The following B4GALNT1 variants were observed in gnomAD, a reference collection of about 807,000 sequenced individuals.
B4GALNT1 encodes the protein beta-1,4-N-acetyl-galactosaminyltransferase 1.
Under a neutral mutation model 55.2 loss-of-function variants are expected in B4GALNT1, and 43 were observed. The ratio of observed to expected loss-of-function variants is 0.78; its 90% confidence interval spans 0.61 to 1.00. The LOEUF is 1.00. Among genes scored for constraint, B4GALNT1 ranks in the 50% least tolerant of loss-of-function variants. The probability of loss-of-function intolerance (pLI) is 0.00; values close to 1 mark genes in which losing one functional copy is unlikely to be tolerated. For missense variants in B4GALNT1, 664 were observed against 729.7 expected (o/e 0.91, Z 1.04); for synonymous variants, 305 against 311.6 (o/e 0.98, Z 0.22).
At position 57,625,558 on chromosome 12, in the gene B4GALNT1, G is replaced by A. The variant is rs1884752429; in HGVS notation, c.*1186C>T. The A allele has an allele frequency of 6.2e-7, 1 of 1,607,508 alleles. No individual in the cohort carries two copies. Among genetic ancestry groups the A allele is most frequent in the African/African-American group, 1.3e-5 (1 of 74,848 alleles). On this transcript the variant is annotated 3_prime_UTR_variant, in exon 11 of 11. Transcript: ENST00000341156. ...GACCCGGTGTGGACTTAGGGTCTCA[G>A]AGTCTGACACCCTCCCCACATAGCC...
At chr12:57,627,972 A>C in intron 9 of B4GALNT1, 114 bp from the exon 10 acceptor site, 1 of 1,466,738 alleles carries the variant, frequency 6.8e-7, no homozygotes, top group Non-Finnish European at 9.0e-7. Context: ...CTTCCGCTTC[A>C]CCCCTGCAGG....
At chr12:57,627,082 C>G (rs185164062) in intron 10 of B4GALNT1, 121 bp from the exon 11 acceptor site, 20 of 788,772 alleles carry the variant, frequency 2.5e-5, no homozygotes, top group Non-Finnish European at 3.7e-5. Flanking sequence ...TTCTAAGGAC[C>G]CTGAGCATGT....
In B4GALNT1 at chr12:57,631,371, G is replaced by T. The variant is rs138590413; in HGVS notation, c.219-7C>A. ...GTTGTTCCAAGCCAGCAGCCTGAAG[G>T]GGGTAGGTAGTGAGGGTCATCAGAG... On this transcript the variant is annotated splice_region_variant and splice_polypyrimidine_tract_variant and intron_variant, in intron 2 of 10. Coordinates refer to ENST00000341156, the MANE Select transcript of B4GALNT1 (RefSeq NM_001478.5). 1.5e-5 allele frequency: 25 copies of T among 1,613,758 alleles called. No individual in the cohort carries two copies. Among genetic ancestry groups the T allele is most frequent in the African/African-American group, 2.7e-5 (2 of 74,866 alleles).
Position 57,624,826 on chromosome 12 carries a change from GA to G in B4GALNT1, c.*1917del. 6.3e-7 allele frequency: 1 copy of G among 1,591,266 alleles called. No homozygotes were observed. Among genetic ancestry groups the G allele is most frequent in the South Asian group, 1.1e-5 (1 of 90,594 alleles). On this transcript the variant is annotated 3_prime_UTR_variant, in exon 11 of 11. Transcript: ENST00000341156. The stretch of plus-strand genomic sequence containing the variant: ...GGCTGCAGCCAAAGAAGGAAGGGAA[GA>G]TTAGCCCCAGACATTTCTCTGATCC...
At position 57,625,157 on chromosome 12, in the gene B4GALNT1, G is replaced by T. The variant is rs73347918; in HGVS notation, c.*1587C>A. ...AAGCCAGATGGCCCAATGGTTGCAGGTGAGATGGGGTGACAAGAAGGAAGA... is the reference window on the plus strand; with the variant it reads ...AAGCCAGATGGCCCAATGGTTGCAGTTGAGATGGGGTGACAAGAAGGAAGA... On this transcript the variant is annotated 3_prime_UTR_variant, in exon 11 of 11. Transcript: ENST00000341156. 2.9e-3 allele frequency: 4,719 copies of T among 1,614,062 alleles called. 144 individuals are homozygous for T. In the African/African-American group the frequency reaches 0.056, roughly 19 times the overall value.
Position 57,630,159 on chromosome 12 carries a change from T to C in B4GALNT1, c.705A>G (p.Ala235=). Residue 235 remains alanine (A), a synonymous_variant, in exon 6 of 11, where the codon GCA becomes GCG. Coordinates refer to ENST00000341156, the MANE Select transcript of B4GALNT1 (RefSeq NM_001478.5). ...YSSRSYQTNT[A]DTVRFSTEGH... is the part of the protein sequence containing the mutation. ...TCCACCCAGGCCTTGCACCTGTGTC[T>C]GCTGTGTTGGTCTGGTAGCTTCGGC... The C allele has an allele frequency of 6.2e-7, 1 of 1,614,260 alleles. No individual in the cohort carries two copies. Among genetic ancestry groups the C allele is most frequent in the Non-Finnish European group, 8.5e-7 (1 of 1,180,056 alleles).
intron 8 of B4GALNT1, 192 bp from the exon 9 acceptor site, chr12:57,628,454 C>T (rs1192974955): frequency 1.4e-5 from 13 of 899,358 alleles, no homozygotes; most frequent in Non-Finnish European, 1.8e-5. Context: ...TCTTAGAATG[C>T]GTTTAATTTC....
At chr12:57,632,339 C>T (rs748307544) in intron 1 of B4GALNT1, 4 of 696,134 alleles carry the variant, frequency 5.7e-6, no homozygotes, top group South Asian at 4.6e-5. Context: ...CTCCCGGCCT[C>T]CTTTCTTCTC....
intron 6 of B4GALNT1, 58 bp downstream of exon 6, chr12:57,630,094 C>T (rs1267892958): frequency 1.2e-6 from 2 of 1,613,810 alleles, no homozygotes; most frequent in East Asian, 2.2e-5. Flanking sequence ...CCCACTCCAG[C>T]CTTTCTGGTT....
At position 57,629,904 on chromosome 12, in the gene B4GALNT1, C is replaced by G. The variant is rs115811176; in HGVS notation, c.712+248G>C. 1.1e-3 allele frequency: 1,645 copies of G among 1,534,572 alleles called. 25 individuals carry two copies. The African/African-American group carries it at 0.02, about 18-fold the overall frequency. On this transcript the variant is annotated intron_variant, in intron 6 of 10. Transcript: ENST00000341156. ...AGACAAGTCTCTTCCTGGGGCCCCC[C>G]ACAGTTGGCCTAAAGGGGAGACACA...
rs1363906394 is a variant in B4GALNT1, at chr12:57,627,849, C to A, written c.1153G>T (p.Ala385Ser). 3.2e-6 allele frequency: 5 copies of A among 1,582,274 alleles called. No homozygotes were observed. The highest frequency in any genetic ancestry group is 4.3e-6 in the Non-Finnish European group (5 of 1,162,992). Residue 385 changes from alanine (A) to serine (S), a missense_variant, in exon 10 of 11, where the codon GCG becomes TCG. Coordinates refer to ENST00000341156, the MANE Select transcript of B4GALNT1 (RefSeq NM_001478.5). ...ERTPLDLVGG[A>S]VREISGFATT... ...GCAAAGCCGGAGATCTCGCGCACCG[C>A]GCCCCCCACCTGCAGGGAGAGGGAG...
rs186851144 is a variant in B4GALNT1 at position 57,630,374 on chromosome 12, A to G, written c.532-42T>C. Reference sequence around the variant, plus strand: ...GAGTGCAGGGTTAGGCCCCAGACCCACTTCTTGCCTCCCTGATTCGCCCAT... The same window carrying G: ...GAGTGCAGGGTTAGGCCCCAGACCCGCTTCTTGCCTCCCTGATTCGCCCAT... On this transcript the variant is annotated intron_variant, in intron 5 of 10. Transcript: ENST00000341156. The G allele has an allele frequency of 4.2e-5, 68 of 1,600,704 alleles. No homozygotes were observed. The Middle Eastern group carries it at 5.1e-4, about 12-fold the overall frequency.
intron 2 of B4GALNT1, 122 bp from the exon 3 acceptor site, chr12:57,631,486 C>T: frequency 1.8e-6 from 2 of 1,117,936 alleles, no homozygotes; most frequent in Non-Finnish European, 2.6e-6. Flanking sequence ...GCTCTGTCCC[C>T]TTAAATGCTG....
In B4GALNT1 at chr12:57,624,790, C is replaced by T. The variant is rs942098457; in HGVS notation, c.*1954G>A. On this transcript the variant is annotated 3_prime_UTR_variant, in exon 11 of 11. Coordinates refer to ENST00000341156, the MANE Select transcript of B4GALNT1 (RefSeq NM_001478.5). ...TCTACAGACCACTCAGAGGAAGCCC[C>T]AGGGTGGGTGGGCTGCAGCCAAAGA... is the stretch of plus-strand genomic sequence containing the variant. The T allele has an allele frequency of 5.8e-6, 8 of 1,389,706 alleles. No individual in the cohort carries two copies. The highest frequency in any genetic ancestry group is 8.2e-6 in the Non-Finnish European group (8 of 976,040). 86.1% of individuals were successfully genotyped at this position (1,389,706 alleles called of 1,614,324 possible).
At position 57,624,071 on chromosome 12, in the gene B4GALNT1, A is replaced by G. The variant is rs146080672; in HGVS notation, c.*2673T>C. 3 of 1,613,750 alleles carry G rather than the reference A, an allele frequency of 1.9e-6. No individual in the cohort carries two copies. In the African/African-American group the frequency reaches 4.0e-5, roughly 22 times the overall value. ...TCTGCCAGATGCAGGAACTTCCACA[A>G]CTATGGCACATCAGCCGAGTGGACT... On this transcript the variant is annotated 3_prime_UTR_variant, in exon 11 of 11. Transcript: ENST00000341156.
chr12:57,624,026 C>T lies in B4GALNT1; in HGVS notation c.*2718G>A, dbSNP rs2140233965. On this transcript the variant is annotated 3_prime_UTR_variant, in exon 11 of 11. Coordinates refer to ENST00000341156, the MANE Select transcript of B4GALNT1 (RefSeq NM_001478.5). ...AGGCTGTCCTGGCTTGCATCAACAT[C>T]TCCAGCATGCGCCAGGTGTTCTGCC... 1 of 1,611,946 alleles carries T rather than the reference C, an allele frequency of 6.2e-7. No homozygotes were observed. The highest frequency in any genetic ancestry group is 2.2e-5 in the East Asian group (1 of 44,872).
intron 8 of B4GALNT1, 57 bp from the exon 9 acceptor site, chr12:57,628,319 C>T: frequency 6.2e-7 from 1 of 1,604,384 alleles, no homozygotes; most frequent in Non-Finnish European, 8.5e-7. Context: ...TGGCCCTCTG[C>T]CACCTTTCTT....
intron 8 of B4GALNT1, 85 bp downstream of exon 8, chr12:57,628,627 CG>C (rs1697208244): frequency 6.6e-7 from 1 of 1,506,174 alleles, no homozygotes; most frequent in South Asian, 1.2e-5. Context: ...AGGTGGTCCT[CG>C]AATCACTACC....
At chr12:57,629,954 C>T (rs1260795065) in intron 6 of B4GALNT1, 198 bp downstream of exon 6, 3 of 1,536,674 alleles carry the variant, frequency 2.0e-6, no homozygotes, top group African/African-American at 1.4e-5. Context: ...TTCCCTCTGG[C>T]CTGCTCCAGC....
Sources: allele counts gnomAD v4.1 joint callset, GRCh38; gene constraint gnomAD v4.1.1; transcripts MANE v1.5; gene names NCBI Gene and HGNC (gene_info 2026-07-23, HGNC 2026-07-21).